C13orf46: variants seen among roughly 807,000 people sequenced by gnomAD.
C13orf46 encodes chromosome 13 open reading frame 46, also known as uncharacterized protein C13orf46.
At chr13:113,969,360 A>C (rs2052680375) in intron 2 of C13orf46, among the ~76,000 whole-genome samples, 1 of 152,228 alleles carries the variant, frequency 6.6e-6, no homozygotes, top group Admixed American at 6.5e-5. Flanking sequence ...GCCACCCTAA[A>C]GGTGTGTGGT....
chr13:113,957,342 CT>C (rs1320168290), intron 6 of C13orf46, among the ~76,000 whole-genome samples: 1 of 146,588 alleles, frequency 6.8e-6, no homozygotes. Flanking sequence ...GGGATCTCCC[CT>C]GCACCTCTGC....
chr13:113,938,502 C>T, the C13orf46 span, among the ~76,000 whole-genome samples: 1 of 152,228 alleles, frequency 6.6e-6, no homozygotes, highest in South Asian at 2.1e-4. Context: ...CCACCTGCCT[C>T]TAAGGAGCCC....
intron 6 of C13orf46, among the ~76,000 whole-genome samples, chr13:113,957,393 C>A (rs1268358361): frequency 8.6e-6 from 1 of 116,558 alleles, no homozygotes; most frequent in African/African-American, 3.3e-5. Flanking sequence ...GGGTCTCCCC[C>A]GCACTCTGCC....
the C13orf46 span, among the ~76,000 whole-genome samples, chr13:113,937,219 G>T: frequency 6.6e-6 from 1 of 152,140 alleles, no homozygotes; most frequent in African/African-American, 2.4e-5. Context: ...GTGGGTTCAT[G>T]CCTGTGGCAT....
Position 113,968,178 on chromosome 13 carries a change from T to C in C13orf46, c.456+289A>G, listed in dbSNP as rs1346990033. ...ATCAAGCCTGGGGCTCTGGGTGTTTTCTGGGCCAAGGTCAAGCTGAGGGCA... is the reference window on the plus strand; with the variant it reads ...ATCAAGCCTGGGGCTCTGGGTGTTTCCTGGGCCAAGGTCAAGCTGAGGGCA... On this transcript the variant is annotated intron_variant, in intron 4 of 6. Transcript: ENST00000636427. Among the ~76,000 whole-genome samples the C allele has an allele frequency of 3.9e-5, 6 of 152,314 alleles. No homozygotes were observed. The East Asian group carries it at 1.2e-3, about 29-fold the overall frequency.
At chr13:113,962,258 T>C (rs1428687885) in intron 6 of C13orf46, among the ~76,000 whole-genome samples, 1 of 151,962 alleles carries the variant, frequency 6.6e-6, no homozygotes, top group Non-Finnish European at 1.5e-5. Flanking sequence ...AAAAAAAATC[T>C]AGCTGGGCGT....
chr13:113,935,292 G>A, the C13orf46 span, among the ~76,000 whole-genome samples: 2 of 152,224 alleles, frequency 1.3e-5, no homozygotes, highest in Non-Finnish European at 1.5e-5. Context: ...GCTCTGGAAA[G>A]CCACTGGGAG....
downstream of C13orf46, among the ~76,000 whole-genome samples, chr13:113,949,231 C>T (rs1449235195): frequency 6.6e-6 from 1 of 152,256 alleles, no homozygotes; most frequent in Non-Finnish European, 1.5e-5. Context: ...CTTCACTGAG[C>T]TGTTCATGGG....
At chr13:113,940,048 C>A in the C13orf46 span, among the ~76,000 whole-genome samples, 3 of 152,204 alleles carry the variant, frequency 2.0e-5, no homozygotes, top group East Asian at 5.8e-4. Flanking sequence ...GGGAGGCATT[C>A]GGGCCACCTC....
At position 113,964,823 on chromosome 13, in the gene C13orf46, C is replaced by T. The variant is rs1354019298; in HGVS notation, c.572+104G>A. The T allele has an allele frequency of 2.6e-5, 4 of 152,348 alleles. 1 individual carries two copies. Among genetic ancestry groups the T allele is most frequent in the Middle Eastern group, 6.8e-3 (2 of 296 alleles). 9.4% of individuals were successfully genotyped at this position (152,348 alleles called of 1,614,324 possible). A position where few individuals can be genotyped will look rare whatever the true frequency, so the allele number is the denominator to read the frequency against. On this transcript the variant is annotated intron_variant, in intron 6 of 6. Coordinates refer to ENST00000636427, the MANE Select transcript of C13orf46 (RefSeq NM_001365455.2). ...GGGAGAAGGGGGGACCGCCTGGGCT[C>T]GGCTCTGCCCACCACACACAAGGCA...
At chr13:113,966,165 GTGATGGTGATGATGATGATGGTGA>G (rs1692268419) in intron 5 of C13orf46, among the ~76,000 whole-genome samples, 1 of 91,370 alleles carries the variant, frequency 1.1e-5, no homozygotes, top group African/African-American at 6.3e-5. Flanking sequence ...GGTGATAGTG[GTGATGGTGATGATGATGATGGTGA>G]TGATGGTCAT....
chr13:113,965,921 CAA>C (rs2052637918), intron 5 of C13orf46, among the ~76,000 whole-genome samples: 1 of 54,050 alleles, frequency 1.9e-5, no homozygotes, highest in Non-Finnish European at 3.1e-5. Context: ...GTGATGGTGA[CAA>C]TGATGATGAT....
chr13:113,945,664 G>GA, the C13orf46 span, among the ~76,000 whole-genome samples: 1 of 135,032 alleles, frequency 7.4e-6, no homozygotes, highest in East Asian at 2.0e-4. Flanking sequence ...AAGAAAGAAA[G>GA]AAAGAAAGGA....
In C13orf46 at chr13:113,966,463, GTGA is replaced by G. The variant is rs1292920123; in HGVS notation, c.504+875_504+877del. Among the ~76,000 whole-genome samples, 66 of 151,166 alleles carry G rather than the reference GTGA, an allele frequency of 4.4e-4. 1 individual carries two copies. The highest frequency in any genetic ancestry group is 2.6e-3 in the Admixed American group (39 of 15,218). ...GGTATTAATGGTGATGATGACGGTG[GTGA>G]TGATTATAATGGTGATGATGATGGT... is the stretch of plus-strand genomic sequence containing the variant. On this transcript the variant is annotated intron_variant, in intron 5 of 6. Coordinates refer to ENST00000636427, the MANE Select transcript of C13orf46 (RefSeq NM_001365455.2).
Position 113,955,230 on chromosome 13 carries a change from G to A in C13orf46, c.*1543C>T, listed in dbSNP as rs1216650130. The A allele has an allele frequency of 8.3e-5, 17 of 203,676 alleles. No individual in the cohort carries two copies. The highest frequency in any genetic ancestry group is 1.7e-4 in the African/African-American group (7 of 41,254). The allele number at this position is 203,676 out of a possible 1,614,324, so 12.6% of individuals were successfully genotyped here. On this transcript the variant is annotated 3_prime_UTR_variant, in exon 7 of 7. Coordinates refer to ENST00000636427, the MANE Select transcript of C13orf46 (RefSeq NM_001365455.2). ...GAGACGAGGAGCATCCCGTGGAGAC[G>A]AGGAGCATCTGGCGGAGACGAGGAG...
At chr13:113,945,575 A>AAGAAAGAGAGAG in the C13orf46 span, among the ~76,000 whole-genome samples, 27 of 89,130 alleles carry the variant, frequency 3.0e-4, no homozygotes, top group African/African-American at 5.5e-4. Context: ...GAAAGAAAGA[A>AAGAAAGAGAGAG]AGAGAGAGAG....
chr13:113,951,910 C>T (rs1033252318), downstream of C13orf46, among the ~76,000 whole-genome samples: 1 of 152,228 alleles, frequency 6.6e-6, no homozygotes, highest in Non-Finnish European at 1.5e-5. Context: ...CACAGTGCAA[C>T]GCGACCCCAC....
the C13orf46 span, among the ~76,000 whole-genome samples, chr13:113,947,843 A>G: frequency 6.6e-6 from 1 of 152,166 alleles, no homozygotes; most frequent in African/African-American, 2.4e-5. Flanking sequence ...CACACCCACC[A>G]TGGCCCATCA....
the C13orf46 span, chr13:113,927,638 T>C: frequency 7.5e-6 from 3 of 398,400 alleles, no homozygotes; most frequent in Non-Finnish European, 1.3e-5. Context: ...ATGGCAGTGG[T>C]TCCTGCTCCA....
Sources: allele counts gnomAD v4.1 joint callset (sites outside exome capture counted in the v4.1 genomes callset), GRCh38; gene constraint gnomAD v4.1.1; transcripts MANE v1.5; gene names NCBI Gene and HGNC (gene_info 2026-07-23, HGNC 2026-07-21).